Variants in CSMD1 observed in about 807,000 individuals in gnomAD.
The protein encoded by CSMD1 is CUB and sushi domain-containing protein 1.
In CSMD1, 213 loss-of-function variants were observed where a neutral mutation model predicts 417.5. The observed-to-expected ratio is 0.51, with a 90% confidence interval of 0.46 to 0.57. CSMD1 has a LOEUF of 0.57. CSMD1 is among the 20% of genes least tolerant of loss of function. The probability of loss-of-function intolerance (pLI) is 0.00; values close to 1 mark genes in which losing one functional copy is unlikely to be tolerated. For synonymous variants in CSMD1, 2,862 were observed against 1,736.8 expected, an observed-to-expected ratio of 1.65 and a Z score of -16.11; for missense variants, 6,923 against 4,529.7, an observed-to-expected ratio of 1.53 and a Z score of -15.17.
intron 5 of CSMD1, among the ~76,000 whole-genome samples, chr8:3,944,251 C>T (rs373496697): frequency 1.3e-5 from 2 of 152,086 alleles, no homozygotes; most frequent in Admixed American, 6.6e-5. Context: ...TAAAAGGTGT[C>T]TCCTTCAAAG....
At chr8:4,110,140 A>C (rs371000769) in intron 3 of CSMD1, among the ~76,000 whole-genome samples, 1 of 152,172 alleles carries the variant, frequency 6.6e-6, no homozygotes, top group African/African-American at 2.4e-5. Context: ...TAGAATAATA[A>C]GGTTTAAATA....
At chr8:4,006,505 C>G (rs555407082) in intron 4 of CSMD1, among the ~76,000 whole-genome samples, 1 of 152,206 alleles carries the variant, frequency 6.6e-6, no homozygotes, top group African/African-American at 2.4e-5. Flanking sequence ...GATCACCCCA[C>G]TGCACTTGGC....
Position 3,369,237 on chromosome 8 carries a change from C to A in CSMD1, c.2899+17G>T. On this transcript the variant is annotated intron_variant, in intron 19 of 69. Coordinates refer to ENST00000635120, the MANE Select transcript of CSMD1 (RefSeq NM_033225.6). Reference sequence around the variant, plus strand: ...ATTTATTAGTCTGTATGTTTGAGACCTATGATAGATTCTTACCTTTCCCAT... The same window carrying A: ...ATTTATTAGTCTGTATGTTTGAGACATATGATAGATTCTTACCTTTCCCAT... 1 of 1,220,788 alleles carries A rather than the reference C, an allele frequency of 8.2e-7. No individual in the cohort carries two copies. Among genetic ancestry groups the A allele is most frequent in the Middle Eastern group, 1.9e-4 (1 of 5,360 alleles). The allele number at this position is 1,220,788 out of a possible 1,614,324, so 75.6% of individuals were successfully genotyped here.
chr8:4,206,838 G>A (rs1277566331), intron 3 of CSMD1, among the ~76,000 whole-genome samples: 2 of 152,026 alleles, frequency 1.3e-5, no homozygotes, highest in African/African-American at 4.8e-5. Context: ...ATTATTTTGT[G>A]GGCTCCTAGA....
chr8:4,575,559 C>T (rs1035847613), intron 2 of CSMD1, among the ~76,000 whole-genome samples: 1 of 152,188 alleles, frequency 6.6e-6, no homozygotes, highest in African/African-American at 2.4e-5. Context: ...ATCAAACTCA[C>T]TTTGAGACAG....
chr8:3,686,182 T>C (rs1799934970), intron 7 of CSMD1, among the ~76,000 whole-genome samples: 1 of 152,096 alleles, frequency 6.6e-6, no homozygotes, highest in African/African-American at 2.4e-5. Context: ...GAAATTAAGC[T>C]TGGGCTTGTT....
intron 4 of CSMD1, among the ~76,000 whole-genome samples, chr8:4,017,056 T>G (rs1463238126): frequency 6.6e-6 from 1 of 152,194 alleles, no homozygotes; most frequent in East Asian, 1.9e-4. Flanking sequence ...AAGCAGATAT[T>G]CATCCGGAGG....
intron 7 of CSMD1, among the ~76,000 whole-genome samples, chr8:3,690,896 T>C (rs1800199913): frequency 6.6e-6 from 1 of 152,176 alleles, no homozygotes; most frequent in Non-Finnish European, 1.5e-5. Context: ...ATAAATAAAT[T>C]AAATAACAAC....
intron 2 of CSMD1, among the ~76,000 whole-genome samples, chr8:4,524,569 C>CTTTTTTTTTTTTT (rs35453060): frequency 1.7e-5 from 2 of 117,950 alleles, no homozygotes; most frequent in Non-Finnish European, 3.3e-5. Flanking sequence ...CACACTTGGT[C>CTTTTTTTTTTTTT]TTTTTTTTTT....
chr8:3,719,017 A>C (rs779294763), intron 6 of CSMD1, among the ~76,000 whole-genome samples: 3 of 152,166 alleles, frequency 2.0e-5, no homozygotes, highest in Non-Finnish European at 4.4e-5. Context: ...ACGCGCTCAG[A>C]AACAACATTC....
At chr8:3,711,181 C>T (rs1531745) in intron 6 of CSMD1, among the ~76,000 whole-genome samples, 148,586 of 152,286 alleles carry the variant, frequency 0.98, 72,584 homozygotes, top group East Asian at 1. Flanking sequence ...AAGGAACATA[C>T]AAACTTTGAG....
intron 3 of CSMD1, among the ~76,000 whole-genome samples, chr8:4,247,715 A>G (rs1243789262): frequency 1.3e-5 from 2 of 152,178 alleles, no homozygotes; most frequent in African/African-American, 2.4e-5. Context: ...TACACATACT[A>G]TAACGCCCTT....
intron 2 of CSMD1, among the ~76,000 whole-genome samples, chr8:4,544,798 C>G (rs1797559926): frequency 6.6e-6 from 1 of 152,148 alleles, no homozygotes; most frequent in Non-Finnish European, 1.5e-5. Flanking sequence ...AGACCAAAAA[C>G]CTGAATTAGC....
At chr8:4,726,883 A>G (rs1055302272) in intron 1 of CSMD1, among the ~76,000 whole-genome samples, 1 of 152,226 alleles carries the variant, frequency 6.6e-6, no homozygotes, top group Non-Finnish European at 1.5e-5. Context: ...CAAAAACATT[A>G]TTAGAAATAT....
chr8:4,797,486 T>G (rs973426588), intron 1 of CSMD1, among the ~76,000 whole-genome samples: 1 of 152,188 alleles, frequency 6.6e-6, no homozygotes, highest in East Asian at 1.9e-4. Flanking sequence ...GCAAAAGTCA[T>G]TGTGGTCTTT....
intron 50 of CSMD1, among the ~76,000 whole-genome samples, chr8:3,039,360 TCCTTTA>T (rs1563266972): frequency 6.8e-6 from 1 of 146,904 alleles, no homozygotes; most frequent in African/African-American, 2.6e-5. Flanking sequence ...CCTTCCTTCC[TCCTTTA>T]CTTTCCTTTC....
chr8:4,395,125 G>A (rs1804112363), intron 3 of CSMD1, among the ~76,000 whole-genome samples: 1 of 152,172 alleles, frequency 6.6e-6, no homozygotes, highest in South Asian at 2.1e-4. Flanking sequence ...AGAGAGTGGA[G>A]CTGAAGCCCT....
intron 3 of CSMD1, among the ~76,000 whole-genome samples, chr8:4,231,437 G>A (rs890074204): frequency 6.6e-6 from 1 of 152,168 alleles, no homozygotes; most frequent in Non-Finnish European, 1.5e-5. Context: ...AAAAGTGATA[G>A]GTGTAGAGAT....
At chr8:4,282,051 G>C (rs542369162) in intron 3 of CSMD1, among the ~76,000 whole-genome samples, 1 of 152,118 alleles carries the variant, frequency 6.6e-6, no homozygotes, top group Non-Finnish European at 1.5e-5. Flanking sequence ...CACTTTCCCT[G>C]GGTTGTAGCA....
Sources: allele counts gnomAD v4.1 joint callset (sites outside exome capture counted in the v4.1 genomes callset), GRCh38; gene constraint gnomAD v4.1.1; transcripts MANE v1.5; gene names NCBI Gene and HGNC (gene_info 2026-07-23, HGNC 2026-07-21).